The following RAB8B variants were observed in gnomAD, a reference collection of about 807,000 sequenced individuals.
The protein encoded by RAB8B is RAB8B, member RAS oncogene family.
In RAB8B, 11 loss-of-function variants were observed where a neutral mutation model predicts 32.0. That is an observed-to-expected ratio of 0.34 (90% CI 0.22 to 0.57). RAB8B has a LOEUF of 0.57. Ranked by LOEUF, RAB8B falls within the 20% of genes least tolerant of loss-of-function variation. The probability of loss-of-function intolerance (pLI) is 0.86; values close to 1 mark genes in which losing one functional copy is unlikely to be tolerated. For missense variants in RAB8B, 190 were observed against 258.5 expected, an observed-to-expected ratio of 0.73 and a Z score of 1.82; for synonymous variants, 103 against 89.6, an observed-to-expected ratio of 1.15 and a Z score of -0.85.
intron 1 of RAB8B, among the ~76,000 whole-genome samples, chr15:63,192,917 G>A (rs1225823123): frequency 6.6e-6 from 1 of 152,166 alleles, no homozygotes; most frequent in Non-Finnish European, 1.5e-5. Flanking sequence ...AACATAGCGA[G>A]ACTCTGTCTC....
intron 1 of RAB8B, among the ~76,000 whole-genome samples, chr15:63,222,013 C>T (rs2037848856): frequency 6.6e-6 from 1 of 152,210 alleles, no homozygotes. Flanking sequence ...TCATTCTTCC[C>T]TGTTTCTCCA....
intron 1 of RAB8B, among the ~76,000 whole-genome samples, chr15:63,235,524 TAATA>T (rs1184265019): frequency 2.6e-5 from 4 of 151,990 alleles, no homozygotes; most frequent in African/African-American, 9.7e-5. Context: ...ATTTTAGAAA[TAATA>T]AATTATAGAG....
chr15:63,189,787 T>TG, intron 1 of RAB8B, 39 bp downstream of exon 1: 5 of 263,718 alleles, frequency 1.9e-5, no homozygotes, highest in Non-Finnish European at 3.0e-5. Context: ...GGTAGAGAAT[T>TG]GGGGGGCGGG....
intron 1 of RAB8B, among the ~76,000 whole-genome samples, chr15:63,207,420 C>T (rs1470725527): frequency 5.3e-5 from 8 of 152,152 alleles, no homozygotes. Flanking sequence ...TGCATCCCAC[C>T]CCACGGTCAG....
At chr15:63,250,031 G>C (rs898912424) in intron 3 of RAB8B, among the ~76,000 whole-genome samples, 2 of 152,158 alleles carry the variant, frequency 1.3e-5, no homozygotes, top group African/African-American at 2.4e-5. Flanking sequence ...AGCTACTCGG[G>C]AGGCTGAGGC....
intron 1 of RAB8B, among the ~76,000 whole-genome samples, chr15:63,197,370 C>CTTTTTTTTTTTTT (rs58765418): frequency 2.9e-3 from 179 of 61,400 alleles, no homozygotes; most frequent in Non-Finnish European, 4.1e-3. Context: ...TCTTTCTTTT[C>CTTTTTTTTTTTTT]TTTTTTTTTT....
intron 1 of RAB8B, among the ~76,000 whole-genome samples, chr15:63,197,357 C>T (rs1246082322): frequency 3.2e-3 from 286 of 89,500 alleles, no homozygotes; most frequent in South Asian, 3.5e-3. Flanking sequence ...TTCTTTCTTT[C>T]TTTCTTTCTT....
At chr15:63,225,619 G>C (rs745580746) in intron 1 of RAB8B, among the ~76,000 whole-genome samples, 3 of 150,856 alleles carry the variant, frequency 2.0e-5, no homozygotes, top group Non-Finnish European at 4.4e-5. Context: ...GCAAACCTTA[G>C]AATATTGTCT....
At chr15:63,191,091 G>A (rs2652817) in intron 1 of RAB8B, among the ~76,000 whole-genome samples, 34,984 of 152,000 alleles carry the variant, frequency 0.23, 4,351 homozygotes, top group Admixed American at 0.32. Context: ...ATAGTTGCAG[G>A]TTAATTAAGT....
intron 1 of RAB8B, among the ~76,000 whole-genome samples, chr15:63,221,671 A>G (rs1187580121): frequency 1.3e-5 from 2 of 152,180 alleles, no homozygotes; most frequent in Non-Finnish European, 2.9e-5. Flanking sequence ...CCACATAGCT[A>G]GACAGGTTCC....
intron 1 of RAB8B, among the ~76,000 whole-genome samples, chr15:63,226,561 G>T (rs900713753): frequency 2.6e-5 from 4 of 152,246 alleles, no homozygotes; most frequent in Non-Finnish European, 4.4e-5. Context: ...TTCATGCCAA[G>T]ATCTGCCGTC....
intron 5 of RAB8B, among the ~76,000 whole-genome samples, chr15:63,258,164 C>A (rs1424316486): frequency 6.6e-6 from 1 of 150,466 alleles, no homozygotes; most frequent in Non-Finnish European, 1.5e-5. Flanking sequence ...TGCAATTGCA[C>A]AATTTTGGCT....
At chr15:63,251,936 G>A (rs1341123717) in intron 3 of RAB8B, among the ~76,000 whole-genome samples, 2 of 152,048 alleles carry the variant, frequency 1.3e-5, no homozygotes, top group African/African-American at 4.8e-5. Flanking sequence ...ATGTTGACAA[G>A]CACTATACTG....
intron 1 of RAB8B, among the ~76,000 whole-genome samples, chr15:63,195,126 A>T (rs893662396): frequency 2.0e-5 from 3 of 152,256 alleles, no homozygotes; most frequent in Non-Finnish European, 4.4e-5. Flanking sequence ...AAACAAAAAT[A>T]TGCAAGGAAC....
At chr15:63,218,797 T>C (rs1007929965) in intron 1 of RAB8B, among the ~76,000 whole-genome samples, 4 of 152,176 alleles carry the variant, frequency 2.6e-5, no homozygotes. Flanking sequence ...ATTTCCATTA[T>C]TGGAATTCTC....
intron 1 of RAB8B, among the ~76,000 whole-genome samples, chr15:63,201,141 T>G (rs2037645437): frequency 6.6e-6 from 1 of 152,226 alleles, no homozygotes; most frequent in Non-Finnish European, 1.5e-5. Context: ...CATTATCACT[T>G]TCACTAAATT....
intron 1 of RAB8B, among the ~76,000 whole-genome samples, chr15:63,242,237 A>G (rs922731545): frequency 3.9e-5 from 6 of 151,908 alleles, no homozygotes; most frequent in Admixed American, 3.9e-4. Flanking sequence ...GGGGAAAAGT[A>G]CCACACAGAG....
Position 63,263,855 on chromosome 15 carries a change from G to C in RAB8B, c.*236G>C. Reference sequence around the variant, plus strand: ...TGGAGACACATGCAGGACCTAACTCGTTTTTTCCTTGTTTTATTACCTGTT... The same window carrying C: ...TGGAGACACATGCAGGACCTAACTCCTTTTTTCCTTGTTTTATTACCTGTT... On this transcript the variant is annotated 3_prime_UTR_variant, in exon 8 of 8. Transcript: ENST00000321437. 1 of 408,782 alleles carries C rather than the reference G, an allele frequency of 2.4e-6. No individual in the cohort carries two copies. Among genetic ancestry groups the C allele is most frequent in the South Asian group, 5.8e-5 (1 of 17,330 alleles). The allele number at this position is 408,782 out of a possible 1,614,324, so 25.3% of individuals were successfully genotyped here. A position where few individuals can be genotyped will look rare whatever the true frequency, so the allele number is the denominator to read the frequency against.
At chr15:63,245,284 A>C (rs1371268977) in intron 2 of RAB8B, among the ~76,000 whole-genome samples, 2 of 152,170 alleles carry the variant, frequency 1.3e-5, no homozygotes, top group Non-Finnish European at 2.9e-5. Context: ...AATTGGTTGG[A>C]TTGATGGCAT....
Sources: allele counts gnomAD v4.1 joint callset (sites outside exome capture counted in the v4.1 genomes callset), GRCh38; gene constraint gnomAD v4.1.1; transcripts MANE v1.5; gene names NCBI Gene and HGNC (gene_info 2026-07-23, HGNC 2026-07-21).